Variants in MMP26 observed in about 807,000 individuals in gnomAD.
MMP26 encodes matrix metalloproteinase-26.
Under a neutral mutation model 31.0 loss-of-function variants are expected in MMP26, and 33 were observed. That is an observed-to-expected ratio of 1.06 (90% CI 0.81 to 1.42). The LOEUF (loss-of-function observed/expected upper bound fraction) is 1.42, where lower values mean the gene tolerates loss of function less well. MMP26 is among the 40% of genes most tolerant of loss of function. The probability of loss-of-function intolerance (pLI) is 0.00; values close to 1 mark genes in which losing one functional copy is unlikely to be tolerated. For missense variants in MMP26, 347 were observed against 316.1 expected (o/e 1.10, Z -0.74); for synonymous variants, 122 against 114.9 (o/e 1.06, Z -0.40).
intron 2 of MMP26, among the ~76,000 whole-genome samples, chr11:4,861,534 G>A (rs1195073468): frequency 6.6e-6 from 1 of 151,844 alleles, no homozygotes; most frequent in African/African-American, 2.4e-5. Flanking sequence ...GATATCTGTT[G>A]TAAGGATAAT....
chr11:4,889,776 C>T lies in MMP26; in HGVS notation c.-144-98292C>T, dbSNP rs115566975. The T allele has an allele frequency of 7.0e-3, 1,147 of 164,582 alleles. 10 individuals carry two copies. The highest frequency in any genetic ancestry group is 0.026 in the African/African-American group (1,086 of 42,090). The allele number at this position is 164,582 out of a possible 1,614,324, so 10.2% of individuals were successfully genotyped here. ...CAGTGCATGGATGCCAAAGCAATGA[C>T]GGGCGCATAGAAGATAAGCACAGCA... is the stretch of plus-strand genomic sequence containing the variant. On this transcript the variant is annotated intron_variant, in intron 2 of 7. Coordinates refer to ENST00000380390, the MANE Select transcript of MMP26 (RefSeq NM_021801.5).
At chr11:4,881,985 T>G in intron 2 of MMP26, 1 of 1,613,902 alleles carries the variant, frequency 6.2e-7, no homozygotes, top group Non-Finnish European at 8.5e-7. Flanking sequence ...CATGTCTGGA[T>G]CTCCATTCCA....
chr11:4,959,237 C>CAAA (rs57867455), intron 2 of MMP26, among the ~76,000 whole-genome samples: 3 of 74,444 alleles, frequency 4.0e-5, no homozygotes, highest in Non-Finnish European at 5.1e-5. Flanking sequence ...AACTCTGTCT[C>CAAA]AAAAAAAAAA....
chr11:4,873,753 T>A (rs2133529090), intron 2 of MMP26, among the ~76,000 whole-genome samples: 1 of 152,162 alleles, frequency 6.6e-6, no homozygotes, highest in Non-Finnish European at 1.5e-5. Flanking sequence ...CTAAGTGCTC[T>A]ATCAATATTC....
intron 2 of MMP26, among the ~76,000 whole-genome samples, chr11:4,981,176 ACT>A: frequency 6.6e-6 from 1 of 152,068 alleles, no homozygotes; most frequent in African/African-American, 2.4e-5. Context: ...ACATTTTTGT[ACT>A]GTTTGATTTT....
At chr11:4,910,512 A>G (rs1850974786) in intron 2 of MMP26, among the ~76,000 whole-genome samples, 1 of 151,968 alleles carries the variant, frequency 6.6e-6, no homozygotes. Flanking sequence ...CTCTTTATCT[A>G]TTTATTTCTT....
chr11:4,881,637 CCT>C (rs150603433), intron 2 of MMP26, among the ~76,000 whole-genome samples: 1,826 of 152,112 alleles, frequency 0.012, 38 homozygotes, highest in African/African-American at 0.042. Flanking sequence ...ATTAGCCTGG[CCT>C]CTCTGATCAT....
intron 2 of MMP26, among the ~76,000 whole-genome samples, chr11:4,841,358 C>A (rs1849793297): frequency 6.6e-6 from 1 of 152,028 alleles, no homozygotes; most frequent in South Asian, 2.1e-4. Flanking sequence ...CAAAATAACA[C>A]CTCAAAGCAT....
At chr11:4,975,807 C>T (rs1300609931) in intron 2 of MMP26, among the ~76,000 whole-genome samples, 1 of 151,962 alleles carries the variant, frequency 6.6e-6, no homozygotes, top group East Asian at 1.9e-4. Flanking sequence ...GAACATTCTC[C>T]CAAAACTTTG....
intron 2 of MMP26, chr11:4,832,732 T>A: frequency 5.5e-6 from 1 of 183,442 alleles, no homozygotes; most frequent in Non-Finnish European, 1.2e-5. Context: ...TTACTATGGT[T>A]TGTTCGTTGC....
Position 4,808,653 on chromosome 11 carries a change from C to T in MMP26, c.-145+41312C>T, listed in dbSNP as rs16906299. 8.0e-3 allele frequency among the ~76,000 whole-genome samples: 1,211 copies of T among 151,966 alleles called. 15 individuals are homozygous for T. The highest frequency in any genetic ancestry group is 0.026 in the African/African-American group (1,066 of 41,506). On this transcript the variant is annotated intron_variant, in intron 2 of 7. Coordinates refer to ENST00000380390, the MANE Select transcript of MMP26 (RefSeq NM_021801.5). ...TCTGTCTTCCCATTCACTCATACTT[C>T]TGACTCCCCAGTAGGCTTTTCACAG...
intron 1 of MMP26, among the ~76,000 whole-genome samples, chr11:4,714,309 T>C (rs762050864): frequency 2.6e-5 from 4 of 152,224 alleles, no homozygotes; most frequent in Admixed American, 6.5e-5. Context: ...GGAGGTTTGA[T>C]TGGTCTATGA....
chr11:4,889,081 C>A (rs1196850944), intron 2 of MMP26, among the ~76,000 whole-genome samples: 2 of 152,130 alleles, frequency 1.3e-5, no homozygotes, highest in Non-Finnish European at 2.9e-5. Context: ...GTCACATACA[C>A]ACTTATCAAC....
At chr11:4,750,884 C>A (rs369466443) in intron 1 of MMP26, among the ~76,000 whole-genome samples, 1 of 151,776 alleles carries the variant, frequency 6.6e-6, no homozygotes, top group African/African-American at 2.4e-5. Flanking sequence ...GCAATATATC[C>A]ATGTAACAAA....
At chr11:4,986,940 T>TCTCTCC (rs1846905292) in intron 2 of MMP26, among the ~76,000 whole-genome samples, 20 of 118,090 alleles carry the variant, frequency 1.7e-4, no homozygotes, top group African/African-American at 6.0e-4. Flanking sequence ...TCCCTCTCTC[T>TCTCTCC]CTCTCTCTCT....
At chr11:4,716,140 C>T (rs1056358600) in intron 1 of MMP26, among the ~76,000 whole-genome samples, 21 of 152,274 alleles carry the variant, frequency 1.4e-4, no homozygotes, top group South Asian at 6.2e-4. Context: ...TAAATTCCTA[C>T]GGCAATCTGA....
At chr11:4,871,358 G>C (rs190815454) in intron 2 of MMP26, among the ~76,000 whole-genome samples, 93 of 152,176 alleles carry the variant, frequency 6.1e-4, no homozygotes, top group African/African-American at 2.0e-3. Context: ...TGTGAAACAA[G>C]GGTAAATTTT....
At chr11:4,991,671 C>T (rs531112849) in intron 6 of MMP26, among the ~76,000 whole-genome samples, 175 bp downstream of exon 6, 82 of 152,258 alleles carry the variant, frequency 5.4e-4, no homozygotes, top group Middle Eastern at 3.4e-3. Flanking sequence ...CAGATGATCC[C>T]ATAATAAACA....
At chr11:4,709,523 C>T (rs1847828941) in intron 1 of MMP26, 1 of 383,050 alleles carries the variant, frequency 2.6e-6, no homozygotes, top group Non-Finnish European at 5.1e-6. Flanking sequence ...TCCATTATTA[C>T]AGGACATAGT....
Sources: allele counts gnomAD v4.1 joint callset (sites outside exome capture counted in the v4.1 genomes callset), GRCh38; gene constraint gnomAD v4.1.1; transcripts MANE v1.5; gene names NCBI Gene and HGNC (gene_info 2026-07-23, HGNC 2026-07-21).